PPP1R3A: variants seen among roughly 807,000 people sequenced by gnomAD.
PPP1R3A encodes the protein protein phosphatase 1 regulatory subunit 3A, also known as RG1.
Under a neutral mutation model 41.7 loss-of-function variants are expected in PPP1R3A, and 29 were observed. That is an observed-to-expected ratio of 0.70 (90% CI 0.52 to 0.95). PPP1R3A has a LOEUF of 0.95. Among genes scored for constraint, PPP1R3A ranks in the 40% least tolerant of loss-of-function variants. PPP1R3A has a pLI of 0.00. For synonymous variants in PPP1R3A, 485 were observed against 453.4 expected (o/e 1.07, Z -0.89); for missense variants, 1,352 against 1,292.4 (o/e 1.05, Z -0.71).
Position 113,918,441 on chromosome 7 carries a change from C to A in PPP1R3A, c.556G>T (p.Asp186Tyr). 6.2e-7 allele frequency: 1 copy of A among 1,613,172 alleles called. No homozygotes were observed. The highest frequency in any genetic ancestry group is 1.1e-5 in the South Asian group (1 of 91,002). ...AATACAATCTTAAAGGAGAACTGGT[C>A]AGTTTCACCATCACATGAATTAGGA... ...YVPNSCDGETDQFSFKIVLVP... is the reference protein window; with the variant it reads ...YVPNSCDGETYQFSFKIVLVP... The change falls in exon 1 of 4, where the codon GAC becomes TAC. Residue 186 changes from aspartate to tyrosine, a missense_variant. By Grantham distance (160) the Asp-to-Tyr change is radical (BLOSUM62 -3). Transcript: ENST00000284601.
intron 1 of PPP1R3A, among the ~76,000 whole-genome samples, chr7:113,901,097 G>C (rs1797053509): frequency 6.6e-6 from 1 of 151,556 alleles, no homozygotes; most frequent in African/African-American, 2.4e-5. Flanking sequence ...AAGGCAGCTA[G>C]AGTAAAGGTG....
At chr7:113,899,712 G>A (rs1021935480) in intron 1 of PPP1R3A, among the ~76,000 whole-genome samples, 2 of 151,762 alleles carry the variant, frequency 1.3e-5, no homozygotes, top group Non-Finnish European at 2.9e-5. Context: ...TACCAAGCCT[G>A]CAACCACCCC....
chr7:113,900,034 C>T (rs1339900035), intron 1 of PPP1R3A, among the ~76,000 whole-genome samples: 3 of 150,108 alleles, frequency 2.0e-5, no homozygotes, highest in Non-Finnish European at 4.5e-5. Context: ...ATGAGGATTA[C>T]CTCTCCATAC....
At chr7:113,885,941 T>A (rs544525317) in intron 1 of PPP1R3A, among the ~76,000 whole-genome samples, 19 of 149,458 alleles carry the variant, frequency 1.3e-4, no homozygotes, top group Non-Finnish European at 2.1e-4. Context: ...TATATATAAC[T>A]ATGTATATAG....
intron 1 of PPP1R3A, among the ~76,000 whole-genome samples, chr7:113,902,279 C>G (rs1012443229): frequency 3.3e-5 from 5 of 151,804 alleles, no homozygotes; most frequent in Non-Finnish European, 7.4e-5. Context: ...AGGCACAAAC[C>G]ACAGTGCCTG....
At chr7:113,885,636 A>T (rs1223719867) in intron 1 of PPP1R3A, among the ~76,000 whole-genome samples, 1 of 151,878 alleles carries the variant, frequency 6.6e-6, no homozygotes, top group Non-Finnish European at 1.5e-5. Context: ...TTAATATCAC[A>T]AAAAGGAATA....
At chr7:113,903,662 A>AT (rs910777478) in intron 1 of PPP1R3A, among the ~76,000 whole-genome samples, 4 of 151,640 alleles carry the variant, frequency 2.6e-5, no homozygotes, top group African/African-American at 4.8e-5. Flanking sequence ...TGAATCTTAC[A>AT]TTTTTTTCCA....
chr7:113,878,416 T>C lies in PPP1R3A; in HGVS notation c.2676A>G (p.Thr892=), dbSNP rs774697753. The C allele has an allele frequency of 1.9e-6, 3 of 1,611,906 alleles. No homozygotes were observed. Among genetic ancestry groups the C allele is most frequent in the Middle Eastern group, 1.7e-4 (1 of 6,056 alleles). ...LRQVQELSKK[T]DSDAIVHSAF... The stretch of plus-strand genomic sequence containing the variant: ...CAGAATGCACAATGGCATCCGAGTC[T>C]GTTTTCTTTGATAATTCTTGAACCT... The change falls in exon 4 of 4, where the codon ACA becomes ACG. Residue 892 remains threonine, a synonymous_variant. Transcript: ENST00000284601.
chr7:113,898,354 C>T, intron 1 of PPP1R3A, among the ~76,000 whole-genome samples: 1 of 151,824 alleles, frequency 6.6e-6, no homozygotes, highest in South Asian at 2.1e-4. Context: ...CCAGGGAAGG[C>T]CTCCTGGCAG....
rs959600167 is a variant in PPP1R3A, at chr7:113,880,710, C to T, written c.967-585G>A. Among the ~76,000 whole-genome samples the T allele has an allele frequency of 9.6e-5, 3 of 31,138 alleles. No homozygotes were observed. The Admixed American group carries it at 1.8e-3, about 19-fold the overall frequency. The allele number at this position is 31,138 out of a possible 152,430, so 20.4% of individuals were successfully genotyped here. A position where few individuals can be genotyped will look rare whatever the true frequency, so the allele number is the denominator to read the frequency against. ...CTGTCAGGATTTAACAGTGAGATGC[C>T]TGTGTTTTTTTTTTTTTCTCCTCAT... On this transcript the variant is annotated intron_variant, in intron 3 of 3. Coordinates refer to ENST00000284601, the MANE Select transcript of PPP1R3A (RefSeq NM_002711.4).
Position 113,898,893 on chromosome 7 carries a change from G to C in PPP1R3A, c.783-16573C>G, listed in dbSNP as rs964389302. On this transcript the variant is annotated intron_variant, in intron 1 of 3. Transcript: ENST00000284601. ...TGTAAATCCTTTCTCTGTGTGTTAA[G>C]ATGTATATGTATGTCCTACAATTCA... 5.3e-5 allele frequency among the ~76,000 whole-genome samples: 8 copies of C among 151,840 alleles called. No individual in the cohort carries two copies. The East Asian group carries it at 1.6e-3, about 30-fold the overall frequency.
At chr7:113,902,459 T>G (rs1797082041) in intron 1 of PPP1R3A, among the ~76,000 whole-genome samples, 1 of 151,896 alleles carries the variant, frequency 6.6e-6, no homozygotes, top group Non-Finnish European at 1.5e-5. Flanking sequence ...GATAAAGATT[T>G]ACAATGCACT....
chr7:113,911,194 A>G (rs1362960385), intron 1 of PPP1R3A, among the ~76,000 whole-genome samples: 1 of 152,026 alleles, frequency 6.6e-6, no homozygotes, highest in Non-Finnish European at 1.5e-5. Flanking sequence ...TCATCTTTTT[A>G]TCATAAGATC....
chr7:113,905,584 A>G (rs1395899778), intron 1 of PPP1R3A, among the ~76,000 whole-genome samples: 1 of 151,850 alleles, frequency 6.6e-6, no homozygotes, highest in Non-Finnish European at 1.5e-5. Context: ...GTAGTACACA[A>G]TAGAGTGTAG....
chr7:113,904,765 T>G (rs1360786297), intron 1 of PPP1R3A, among the ~76,000 whole-genome samples: 1 of 151,764 alleles, frequency 6.6e-6, no homozygotes, highest in Non-Finnish European at 1.5e-5. Flanking sequence ...CAGGAGTCAC[T>G]GTACAGAAAA....
chr7:113,899,026 T>C (rs1797021334), intron 1 of PPP1R3A, among the ~76,000 whole-genome samples: 1 of 151,814 alleles, frequency 6.6e-6, no homozygotes, highest in Admixed American at 6.6e-5. Flanking sequence ...CTAACTAGAA[T>C]TTCAAGCTAA....
At chr7:113,882,426 A>C in intron 1 of PPP1R3A, 106 bp from the exon 2 acceptor site, 1 of 675,602 alleles carries the variant, frequency 1.5e-6, no homozygotes, top group South Asian at 1.7e-5. Context: ...TAAACATTAT[A>C]TAGCCTTTCT....
chr7:113,906,266 TTCTA>T (rs777805143), intron 1 of PPP1R3A, among the ~76,000 whole-genome samples: 4 of 151,838 alleles, frequency 2.6e-5, no homozygotes, highest in Admixed American at 6.6e-5. Flanking sequence ...ACAAATCCCC[TTCTA>T]TCTGTTGTTT....
At chr7:113,896,461 C>G (rs747479906) in intron 1 of PPP1R3A, among the ~76,000 whole-genome samples, 6 of 151,690 alleles carry the variant, frequency 4.0e-5, no homozygotes, top group Non-Finnish European at 8.8e-5. Flanking sequence ...CTAAACCAGT[C>G]GAAGTTCAGT....
Sources: gnomAD v4.1 joint callset for allele counts (sites outside exome capture counted in the v4.1 genomes callset) on GRCh38, gnomAD v4.1.1 for gene constraint, MANE v1.5 for transcripts, NCBI Gene and HGNC (gene_info 2026-07-23, HGNC 2026-07-21) for gene names.